The following ADAM33 variants were observed in gnomAD, a reference collection of about 807,000 sequenced individuals.
The protein encoded by ADAM33 is ADAM metallopeptidase domain 33.
Under a neutral mutation model 106.2 loss-of-function variants are expected in ADAM33, and 103 were observed. The ratio of observed to expected loss-of-function variants is 0.97; its 90% CI spans 0.83 to 1.14. ADAM33 has a LOEUF of 1.14. Among genes scored for constraint, ADAM33 ranks in the 50% most tolerant of loss-of-function variants. The pLI, the probability that ADAM33 is intolerant of heterozygous loss-of-function variation, is 0.00. For missense variants in ADAM33, 1,120 were observed against 1,096.6 expected (o/e 1.02, Z -0.30); for synonymous variants, 483 against 453.0 (o/e 1.07, Z -0.84).
chr20:3,681,759 A>G, intron 1 of ADAM33, 149 bp downstream of exon 1: 1 of 1,260,160 alleles, frequency 7.9e-7, no homozygotes, highest in Non-Finnish European at 1.0e-6. Flanking sequence ...GACCCCCCCA[A>G]AGAGTCCCCA....
chr20:3,668,966 C>T lies in ADAM33; in HGVS notation c.2439G>A (p.Trp813Ter). Residue 813 changes from tryptophan (W) to a stop codon, truncating the protein, a stop_gained, in exon 22 of 22, where the codon TGG (tryptophan) becomes TGA (stop). Transcript: ENST00000356518. LOFTEE classifies it high-confidence loss of function. ...DQVQMPRSCL[W>*] ...TGTTCATTTTAGGAGCTACCTCTCACCAGAGGCAGGATCTTGGCATCTGGA... is the reference window on the plus strand; with the variant it reads ...TGTTCATTTTAGGAGCTACCTCTCATCAGAGGCAGGATCTTGGCATCTGGA... 1 of 1,613,688 alleles carries T rather than the reference C, an allele frequency of 6.2e-7. No individual in the cohort carries two copies. The highest frequency in any genetic ancestry group is 8.5e-7 in the Non-Finnish European group (1 of 1,179,912).
chr20:3,669,875 C>T, intron 19 of ADAM33: 1 of 583,496 alleles, frequency 1.7e-6, no homozygotes, highest in Non-Finnish European at 3.0e-6. Flanking sequence ...CTAGTCCTAA[C>T]ATTTCCTCCA....
Position 3,676,102 on chromosome 20 carries a change from A to G in ADAM33, c.254+965T>C, listed in dbSNP as rs189617795. On this transcript the variant is annotated intron_variant, in intron 3 of 21. Coordinates refer to ENST00000356518, the MANE Select transcript of ADAM33 (RefSeq NM_025220.5). ...GAACAGCGCCTGCGGTCAAGCACTC[A>G]GTAGGTGATATATACTGATAACATA... Among the ~76,000 whole-genome samples, 152 of 152,380 alleles carry G rather than the reference A, an allele frequency of 1.0e-3. 2 individuals carry two copies. The highest frequency in any genetic ancestry group is 4.4e-3 in the East Asian group (23 of 5,190).
chr20:3,669,993 G>A, intron 19 of ADAM33: 2 of 448,238 alleles, frequency 4.5e-6, no homozygotes, highest in Non-Finnish European at 8.3e-6. Context: ...TTGCCCCTGG[G>A]TGCCCTGCTG....
chr20:3,679,770 A>G (rs530845036), intron 1 of ADAM33, among the ~76,000 whole-genome samples, 199 bp from the exon 2 acceptor site: 17 of 150,246 alleles, frequency 1.1e-4, no homozygotes, highest in Non-Finnish European at 2.2e-4. Flanking sequence ...GGAGCTATCA[A>G]GGAGGAGGAA....
At chr20:3,676,309 A>G (rs1475047809) in intron 3 of ADAM33, among the ~76,000 whole-genome samples, 1 of 151,552 alleles carries the variant, frequency 6.6e-6, no homozygotes, top group Non-Finnish European at 1.5e-5. Flanking sequence ...GACTCTCCAA[A>G]TTCATTCCCC....
chr20:3,679,473 G>A lies in ADAM33; in HGVS notation c.177+19C>T, dbSNP rs377035846. 41 of 1,597,470 alleles carry A rather than the reference G, an allele frequency of 2.6e-5. No individual in the cohort carries two copies. The highest frequency in any genetic ancestry group is 4.5e-5 in the East Asian group (2 of 44,208). On this transcript the variant is annotated intron_variant, in intron 2 of 21. Coordinates refer to ENST00000356518, the MANE Select transcript of ADAM33 (RefSeq NM_025220.5). ...GAGGTTCAGGGCCCCTGTGGAGGGC[G>A]GGGAGACATGGCACTGACCGGCTCC...
In ADAM33 at chr20:3,676,484, G is replaced by A. The variant is rs117441098; in HGVS notation, c.254+583C>T. 1.9e-4 allele frequency among the ~76,000 whole-genome samples: 29 copies of A among 150,072 alleles called. No homozygotes were observed. In the East Asian group the frequency reaches 4.5e-3, roughly 23 times the overall value. ...CGGAGTCTCACTCTTTGCCCAGGCC[G>A]GAGTGGTGCAGTGGTGTGATCTTGG... is the stretch of plus-strand genomic sequence containing the variant. On this transcript the variant is annotated intron_variant, in intron 3 of 21. Transcript: ENST00000356518.
rs1600202807 is a variant in ADAM33, at chr20:3,670,873, T to C, written c.2240+133A>G. ...AACCTCCTGTTCAAAGCTACTTCTTTCCATGGCCTCTGGGGCTGCTCTCTG... is the reference window on the plus strand; with the variant it reads ...AACCTCCTGTTCAAAGCTACTTCTTCCCATGGCCTCTGGGGCTGCTCTCTG... On this transcript the variant is annotated intron_variant, in intron 19 of 21. Coordinates refer to ENST00000356518, the MANE Select transcript of ADAM33 (RefSeq NM_025220.5). The C allele has an allele frequency of 3.8e-6, 5 of 1,316,884 alleles. No homozygotes were observed. In the African/African-American group the frequency reaches 4.5e-5, roughly 12 times the overall value. The allele number at this position is 1,316,884 out of a possible 1,614,324, so 81.6% of individuals were successfully genotyped here.
Position 3,672,852 on chromosome 20 carries a change from G to A in ADAM33, c.1180C>T (p.Arg394Cys). ...CCGCCCCCCTTGCGGAAGAAGGCGC[G>A]CAGCTGGCGGCGGCTGCAGGCGCTG... is the stretch of plus-strand genomic sequence containing the variant. ...VFSACSRRQLRAFFRKGGGAC... is the reference protein window; with the variant it reads ...VFSACSRRQLCAFFRKGGGAC... The change falls in exon 12 of 22, where the codon CGC becomes TGC. Residue 394 changes from arginine (R) to cysteine (C), a missense_variant. Transcript: ENST00000356518. 1.3e-6 allele frequency: 2 copies of A among 1,575,762 alleles called. No homozygotes were observed. Among genetic ancestry groups the A allele is most frequent in the Non-Finnish European group, 1.7e-6 (2 of 1,169,160 alleles).
At chr20:3,680,646 AG>A (rs1157620595) in intron 1 of ADAM33, among the ~76,000 whole-genome samples, 7 of 151,858 alleles carry the variant, frequency 4.6e-5, no homozygotes, top group Non-Finnish European at 7.4e-5. Flanking sequence ...GATGTGGGGG[AG>A]GGGAAGGAGG....
rs1320484476 is a variant in ADAM33 at position 3,673,919 on chromosome 20, C to A, written c.739-8G>T. 2.6e-6 allele frequency: 4 copies of A among 1,565,168 alleles called. No individual in the cohort carries two copies. Among genetic ancestry groups the A allele is most frequent in the Non-Finnish European group, 2.6e-6 (3 of 1,161,294 alleles). On this transcript the variant is annotated splice_polypyrimidine_tract_variant and splice_region_variant and intron_variant, in intron 8 of 21. Transcript: ENST00000356518. ...GTCCAGAGTCCTGAGAAGCTGAGGG[C>A]GAGGCGGGGCTGAAGCCGGGACAGG...
At position 3,672,569 on chromosome 20, in the gene ADAM33, A is replaced by C; in HGVS notation, c.1369T>G (p.Cys457Gly). 6.2e-7 allele frequency: 1 copy of C among 1,613,552 alleles called. No homozygotes were observed. ...HNCSLRPGAQ[C>G]AHGDCCVRCL... ...CGCACGCAGCAGTCCCCGTGGGCGC[A>C]CTGGGCCCCCGGGCGCAGCGAGCAG... Residue 457 changes from cysteine to glycine, a missense_variant, in exon 13 of 22, where the codon TGC becomes GGC. Coordinates refer to ENST00000356518, the MANE Select transcript of ADAM33 (RefSeq NM_025220.5).
Position 3,675,198 on chromosome 20 carries a change from C to A in ADAM33, c.255-93G>T. 2 of 950,066 alleles carry A rather than the reference C, an allele frequency of 2.1e-6. No homozygotes were observed. The highest frequency in any genetic ancestry group is 1.6e-5 in the African/African-American group (1 of 62,518). 58.9% of individuals were successfully genotyped at this position (950,066 alleles called of 1,614,324 possible). ...CCTTCCTCCCTAAATGCTAATGGAG[C>A]AGCTTTATGAGTGAGACACTCACAG... On this transcript the variant is annotated intron_variant, in intron 3 of 21. Coordinates refer to ENST00000356518, the MANE Select transcript of ADAM33 (RefSeq NM_025220.5). This position sits in a 1 kb window ranked among gnomAD's most constrained non-coding sequence, Gnocchi z 4.1.
At chr20:3,673,702 G>A (rs2087728987) in intron 9 of ADAM33, 43 bp downstream of exon 9, 4 of 1,366,532 alleles carry the variant, frequency 2.9e-6, no homozygotes, top group Non-Finnish European at 3.8e-6. Context: ...CGGGAGGTGA[G>A]GCCGCCCCAC....
intron 20 of ADAM33, 87 bp downstream of exon 20, chr20:3,669,459 T>G: frequency 6.5e-7 from 1 of 1,545,584 alleles, no homozygotes; most frequent in Non-Finnish European, 8.7e-7. Flanking sequence ...TCAAGGTGAC[T>G]GGGTGCTGCC....
chr20:3,679,374 G>C lies in ADAM33; in HGVS notation c.177+118C>G. ...GGGCAGGGGAGGCAGGGGCCTATAG[G>C]AGTAGTGACTTGGTGGTTCTGGGGA... On this transcript the variant is annotated intron_variant, in intron 2 of 21. Coordinates refer to ENST00000356518, the MANE Select transcript of ADAM33 (RefSeq NM_025220.5). 3.0e-6 allele frequency: 3 copies of C among 1,015,844 alleles called. No homozygotes were observed. The South Asian group carries it at 4.6e-5, about 16-fold the overall frequency. The allele number at this position is 1,015,844 out of a possible 1,614,324, so 62.9% of individuals were successfully genotyped here.
rs1251901352 is a variant in ADAM33, at chr20:3,675,103, C to G, written c.257G>C (p.Arg86Thr). 1.9e-6 allele frequency: 3 copies of G among 1,611,652 alleles called. No individual in the cohort carries two copies. Among genetic ancestry groups the G allele is most frequent in the Non-Finnish European group, 2.5e-6 (3 of 1,178,798 alleles). Residue 86 changes from arginine to threonine, a missense_variant and splice_region_variant, in exon 4 of 22, where the codon AGG becomes ACG. Coordinates refer to ENST00000356518, the MANE Select transcript of ADAM33 (RefSeq NM_025220.5). This position sits in a 1 kb window ranked among gnomAD's most constrained non-coding sequence, Gnocchi z 4.1. ...TTCTATGTATCCTGGGGCCAGCAGCCTGCTGAGAGGGGGTGTTACAGGGAA... is the reference window on the plus strand; with the variant it reads ...TTCTATGTATCCTGGGGCCAGCAGCGTGCTGAGAGGGGGTGTTACAGGGAA... ...ELLLELEKNH[R>T]LLAPGYIETH...
chr20:3,672,832 C>G lies in ADAM33; in HGVS notation c.1200G>C (p.Gly400=). The change falls in exon 12 of 22, where the codon GGG becomes GGC. Residue 400 remains glycine, a synonymous_variant. Transcript: ENST00000356518. ...RRQLRAFFRK[G]GGACLSNAPD... Reference sequence around the variant, plus strand: ...GGGCATTGGAGAGGCAAGCGCCGCCCCCCTTGCGGAAGAAGGCGCGCAGCT... The same window carrying G: ...GGGCATTGGAGAGGCAAGCGCCGCCGCCCTTGCGGAAGAAGGCGCGCAGCT... 6.3e-7 allele frequency: 1 copy of G among 1,576,554 alleles called. No homozygotes were observed. The highest frequency in any genetic ancestry group is 8.6e-7 in the Non-Finnish European group (1 of 1,168,174).
Sources: allele counts gnomAD v4.1 joint callset (sites outside exome capture counted in the v4.1 genomes callset), GRCh38; gene constraint gnomAD v4.1.1; non-coding constraint Gnocchi (gnomAD v3.1); transcripts MANE v1.5; gene names NCBI Gene and HGNC (gene_info 2026-07-23, HGNC 2026-07-21).